Variants in RABGAP1L observed in about 807,000 individuals in gnomAD.
RABGAP1L encodes the protein RAB GTPase activating protein 1 like.
In RABGAP1L, 63 loss-of-function variants were observed where a neutral mutation model predicts 137.7. That is an observed-to-expected ratio of 0.46 (90% CI 0.37 to 0.56). The LOEUF is 0.56. Among genes scored for constraint, RABGAP1L ranks in the 20% least tolerant of loss-of-function variants. RABGAP1L has a pLI of 0.00. For synonymous variants in RABGAP1L, 431 were observed against 433.7 expected, an observed-to-expected ratio of 0.99 and a Z score of 0.08; for missense variants, 1,095 against 1,244.0, an observed-to-expected ratio of 0.88 and a Z score of 1.80.
intron 13 of RABGAP1L, among the ~76,000 whole-genome samples, chr1:174,437,274 C>G (rs1448728836): frequency 6.6e-6 from 1 of 151,958 alleles, no homozygotes; most frequent in Non-Finnish European, 1.5e-5. Flanking sequence ...CTACTCCGAG[C>G]TAAAGGAGGA....
At chr1:174,372,061 T>C (rs1354274300) in intron 12 of RABGAP1L, among the ~76,000 whole-genome samples, 1 of 152,126 alleles carries the variant, frequency 6.6e-6, no homozygotes, top group East Asian at 1.9e-4. Flanking sequence ...GCCAGCTGCT[T>C]CTCCTTTTTA....
intron 19 of RABGAP1L, among the ~76,000 whole-genome samples, chr1:174,840,277 C>A (rs1693234942): frequency 6.6e-6 from 1 of 152,204 alleles, no homozygotes; most frequent in African/African-American, 2.4e-5. Context: ...AATTATCCAA[C>A]TGCACTGGGA....
chr1:174,935,843 T>G (rs1664687580), intron 19 of RABGAP1L, among the ~76,000 whole-genome samples: 2 of 151,714 alleles, frequency 1.3e-5, no homozygotes, highest in Admixed American at 1.3e-4. Context: ...TAGCTGAGCG[T>G]GGTGGCACAT....
At chr1:174,920,945 C>T (rs540633871) in intron 19 of RABGAP1L, among the ~76,000 whole-genome samples, 36 of 152,168 alleles carry the variant, frequency 2.4e-4, no homozygotes, top group Admixed American at 7.9e-4. Flanking sequence ...TTGTTTGAGA[C>T]GGAGTCTTGC....
intron 17 of RABGAP1L, among the ~76,000 whole-genome samples, chr1:174,733,713 A>G (rs1362068089): frequency 6.6e-6 from 1 of 152,210 alleles, no homozygotes; most frequent in African/African-American, 2.4e-5. Flanking sequence ...ATAAAACATA[A>G]TATCTAAGTG....
chr1:174,402,387 T>C (rs1163081804), intron 13 of RABGAP1L, among the ~76,000 whole-genome samples: 3 of 152,200 alleles, frequency 2.0e-5, no homozygotes, highest in African/African-American at 7.2e-5. Flanking sequence ...CTATCTCATT[T>C]CTATATACTG....
At chr1:174,764,756 G>GC (rs1244925689) in intron 18 of RABGAP1L, among the ~76,000 whole-genome samples, 3 of 152,128 alleles carry the variant, frequency 2.0e-5, no homozygotes, top group African/African-American at 7.2e-5. Context: ...GTAGGCGTGA[G>GC]CCACTATACC....
At position 174,285,240 on chromosome 1, in the gene RABGAP1L, C is replaced by G. The variant is rs1423369070; in HGVS notation, c.1323+6461C>G. Among the ~76,000 whole-genome samples the G allele has an allele frequency of 2.6e-5, 4 of 152,160 alleles. No homozygotes were observed. In the East Asian group the frequency reaches 7.7e-4, roughly 29 times the overall value. ...CCATGTTGGCCAGGCTGGTCTCGAA[C>G]TCCTGACTTCAGGTGATCTGCCTGC... On this transcript the variant is annotated intron_variant, in intron 10 of 25. Coordinates refer to ENST00000681986, the MANE Select transcript of RABGAP1L (RefSeq NM_001366446.1).
At chr1:174,505,437 T>G (rs1002171099) in intron 13 of RABGAP1L, among the ~76,000 whole-genome samples, 9 of 151,876 alleles carry the variant, frequency 5.9e-5, no homozygotes, top group Non-Finnish European at 4.4e-5. Context: ...TATTTTAAAA[T>G]CTAGCAAACA....
At position 174,348,142 on chromosome 1, in the gene RABGAP1L, CTTT is replaced by C. The variant is rs1400916351; in HGVS notation, c.1466-22834_1466-22832del. ...TTTGGTGGTGTGCTTTGAGTTTTTG[CTTT>C]TTATTTTTTGTGATCTTTTGTATGT... is the stretch of plus-strand genomic sequence containing the variant. On this transcript the variant is annotated intron_variant, in intron 11 of 25. Coordinates refer to ENST00000681986, the MANE Select transcript of RABGAP1L (RefSeq NM_001366446.1). 1.3e-5 allele frequency among the ~76,000 whole-genome samples: 2 copies of C among 151,256 alleles called. 1 individual carries two copies. Among genetic ancestry groups the C allele is most frequent in the Non-Finnish European group, 2.9e-5 (2 of 67,814 alleles).
chr1:174,711,766 C>T (rs1028940174), intron 17 of RABGAP1L, among the ~76,000 whole-genome samples: 11 of 152,232 alleles, frequency 7.2e-5, no homozygotes, highest in South Asian at 2.1e-4. Flanking sequence ...TCACACCAAC[C>T]GCCCAAGGGC....
At chr1:174,615,877 C>T (rs934733625) in intron 13 of RABGAP1L, among the ~76,000 whole-genome samples, 5 of 152,296 alleles carry the variant, frequency 3.3e-5, no homozygotes, top group East Asian at 1.9e-4. Context: ...TAGGACCCTC[C>T]GAGCCAGGTG....
intron 13 of RABGAP1L, among the ~76,000 whole-genome samples, chr1:174,475,016 G>T (rs1160935803): frequency 6.6e-6 from 1 of 151,758 alleles, no homozygotes; most frequent in Non-Finnish European, 1.5e-5. Context: ...TGTAATGTAT[G>T]TTACAATAAA....
chr1:174,621,038 A>T (rs1388198232), intron 13 of RABGAP1L, among the ~76,000 whole-genome samples: 1 of 152,228 alleles, frequency 6.6e-6, no homozygotes, highest in East Asian at 1.9e-4. Context: ...AATCTAGAAG[A>T]AATGGATAAA....
intron 17 of RABGAP1L, among the ~76,000 whole-genome samples, chr1:174,746,903 T>C (rs1385520823): frequency 6.6e-6 from 1 of 152,188 alleles, no homozygotes; most frequent in Non-Finnish European, 1.5e-5. Context: ...ATGTTGGTTA[T>C]TATTTTGCAT....
At chr1:174,266,988 T>A (rs192575830) in intron 7 of RABGAP1L, among the ~76,000 whole-genome samples, 145 of 152,210 alleles carry the variant, frequency 9.5e-4, no homozygotes, top group Non-Finnish European at 1.6e-3. Context: ...ATGATAAATT[T>A]AAAAAAATGA....
At chr1:174,481,516 T>G (rs936989175) in intron 13 of RABGAP1L, among the ~76,000 whole-genome samples, 2 of 152,208 alleles carry the variant, frequency 1.3e-5, no homozygotes, top group African/African-American at 4.8e-5. Context: ...CCTTTAAATC[T>G]TTGAGCTAAA....
intron 17 of RABGAP1L, among the ~76,000 whole-genome samples, chr1:174,726,531 G>A (rs1681997759): frequency 6.6e-6 from 1 of 151,798 alleles, no homozygotes; most frequent in Non-Finnish European, 1.5e-5. Context: ...TAATTGCTAG[G>A]ATAAAGAGAG....
intron 1 of RABGAP1L, among the ~76,000 whole-genome samples, chr1:174,180,616 C>T (rs1000357569): frequency 6.6e-6 from 1 of 152,064 alleles, no homozygotes; most frequent in Non-Finnish European, 1.5e-5. Flanking sequence ...AGGCATATGC[C>T]ACCACGCCTG....
Sources: gnomAD v4.1 joint callset for allele counts (sites outside exome capture counted in the v4.1 genomes callset) on GRCh38, gnomAD v4.1.1 for gene constraint, MANE v1.5 for transcripts, NCBI Gene and HGNC (gene_info 2026-07-23, HGNC 2026-07-21) for gene names.